SND1: variants seen among roughly 807,000 people sequenced by gnomAD.
The protein encoded by SND1 is staphylococcal nuclease and tudor domain containing 1, also known as staphylococcal nuclease domain-containing protein 1.
SND1 carries 38 observed loss-of-function variants against 121.7 expected under a neutral mutation model. That is an observed-to-expected ratio of 0.31 (90% confidence interval 0.24 to 0.41). The LOEUF is 0.41. Among genes scored for constraint, SND1 ranks in the 10% least tolerant of loss-of-function variants. The probability of loss-of-function intolerance (pLI) is 1.00; values close to 1 mark genes in which losing one functional copy is unlikely to be tolerated. For missense variants in SND1, 868 were observed against 1,184.6 expected, an observed-to-expected ratio of 0.73 and a Z score of 3.92; for synonymous variants, 401 against 447.4, an observed-to-expected ratio of 0.90 and a Z score of 1.31.
rs539419463 is a variant in SND1 at position 127,665,429 on chromosome 7, T to C, written c.78+12978T>C. Among the ~76,000 whole-genome samples, 14 of 152,220 alleles carry C rather than the reference T, an allele frequency of 9.2e-5. No individual in the cohort carries two copies. In the East Asian group the frequency reaches 1.7e-3, roughly 19 times the overall value. The stretch of plus-strand genomic sequence containing the variant: ...GTGTCAATCTCCTGACCTCGTGATC[T>C]GCCCACCTTGGCCTCCCGAAGTGCT... On this transcript the variant is annotated intron_variant, in intron 1 of 23. Coordinates refer to ENST00000354725, the MANE Select transcript of SND1 (RefSeq NM_014390.4).
intron 11 of SND1, among the ~76,000 whole-genome samples, chr7:127,825,078 A>G (rs1220308491): frequency 6.6e-6 from 1 of 152,204 alleles, no homozygotes; most frequent in Non-Finnish European, 1.5e-5. Flanking sequence ...ACTGCTTTTT[A>G]GAAATGACAG....
At chr7:128,068,120 G>C (rs1164418043) in intron 16 of SND1, among the ~76,000 whole-genome samples, 1 of 152,086 alleles carries the variant, frequency 6.6e-6, no homozygotes, top group Non-Finnish European at 1.5e-5. Flanking sequence ...TTGGCTGCAG[G>C]CTCCAGGCGA....
intron 16 of SND1, among the ~76,000 whole-genome samples, chr7:128,019,982 T>TG (rs2116961602): frequency 6.6e-6 from 1 of 152,312 alleles, no homozygotes; most frequent in Admixed American, 6.5e-5. Context: ...AGGGTCTGCA[T>TG]GACCTTGAAC....
rs752150677 is a variant in SND1, at chr7:128,029,541, C to T, written c.1779+38485C>T. The T allele has an allele frequency of 2.8e-5, 45 of 1,613,952 alleles. No individual in the cohort carries two copies. The highest frequency in any genetic ancestry group is 3.7e-5 in the Non-Finnish European group (44 of 1,180,036). On this transcript the variant is annotated intron_variant, in intron 16 of 23. Transcript: ENST00000354725. The surrounding 1 kb of genome is among the most constrained non-coding windows in gnomAD (Gnocchi z 4.2). ...CCGACACTTAAGTTCTGCCATCCGA[C>T]CCTCAGAAATGTTGAGGTCTCGAGG...
At chr7:127,941,293 G>A (rs921683621) in intron 15 of SND1, among the ~76,000 whole-genome samples, 5 of 152,018 alleles carry the variant, frequency 3.3e-5, no homozygotes, top group Admixed American at 3.3e-4. Flanking sequence ...TGCAAGATTA[G>A]CTTATAGGCT....
At chr7:127,820,923 CT>C (rs945849298) in intron 11 of SND1, among the ~76,000 whole-genome samples, 25 of 152,096 alleles carry the variant, frequency 1.6e-4, no homozygotes, top group Non-Finnish European at 3.4e-4. Context: ...TGTTTCTGTT[CT>C]TCTTCCAGCA....
intron 21 of SND1, among the ~76,000 whole-genome samples, chr7:128,089,034 T>C (rs1170411279): frequency 6.6e-6 from 1 of 152,102 alleles, no homozygotes. Flanking sequence ...ACTAGGGTTC[T>C]TTCTGGTTTG....
intron 12 of SND1, among the ~76,000 whole-genome samples, chr7:127,857,359 ATT>A (rs34235946): frequency 3.1e-3 from 355 of 113,134 alleles, no homozygotes; most frequent in Admixed American, 5.7e-3. Context: ...CCCCCGGCTA[ATT>A]TTTTTTTTTT....
intron 10 of SND1, among the ~76,000 whole-genome samples, chr7:127,785,818 A>T (rs754087364): frequency 4.0e-4 from 61 of 152,196 alleles, no homozygotes; most frequent in Admixed American, 3.3e-4. Flanking sequence ...TTTTTCTATT[A>T]CCTGATTCTT....
At chr7:127,934,614 G>A (rs1217988139) in intron 15 of SND1, among the ~76,000 whole-genome samples, 4 of 152,070 alleles carry the variant, frequency 2.6e-5, no homozygotes, top group East Asian at 1.9e-4. Flanking sequence ...TCAGGAGTGG[G>A]GGGTGGTGTT....
chr7:127,761,154 G>T (rs1420982441), intron 10 of SND1, among the ~76,000 whole-genome samples: 1 of 152,134 alleles, frequency 6.6e-6, no homozygotes, highest in Admixed American at 6.6e-5. Context: ...GCATGCTGAA[G>T]AATTTTGAGT....
chr7:128,000,875 G>A (rs1440023445), intron 16 of SND1, among the ~76,000 whole-genome samples: 1 of 152,192 alleles, frequency 6.6e-6, no homozygotes, highest in African/African-American at 2.4e-5. Flanking sequence ...GACTGTAGAT[G>A]GCATTTTTTC....
chr7:127,945,308 C>T (rs539451525), intron 15 of SND1, among the ~76,000 whole-genome samples: 94 of 152,136 alleles, frequency 6.2e-4, no homozygotes, highest in East Asian at 2.9e-3. Flanking sequence ...CTGGCTAACA[C>T]GGTGAAACCC....
At chr7:127,929,944 G>T (rs189260742) in intron 15 of SND1, among the ~76,000 whole-genome samples, 172 of 152,310 alleles carry the variant, frequency 1.1e-3, no homozygotes, top group Non-Finnish European at 1.9e-3. Context: ...TTTTCTGGTA[G>T]CTTAATATTT....
intron 16 of SND1, among the ~76,000 whole-genome samples, chr7:128,019,373 A>T (rs1429186865): frequency 1.3e-5 from 2 of 152,218 alleles, no homozygotes; most frequent in Non-Finnish European, 2.9e-5. Flanking sequence ...AGCACCTCTG[A>T]GAGAAAGGGA....
intron 10 of SND1, among the ~76,000 whole-genome samples, chr7:127,777,230 C>A (rs1797636874): frequency 2.0e-5 from 3 of 152,216 alleles, no homozygotes; most frequent in South Asian, 2.1e-4. Flanking sequence ...AAAGCAATCA[C>A]TGAACAGAGG....
intron 15 of SND1, among the ~76,000 whole-genome samples, chr7:127,966,261 T>A (rs1489068841): frequency 2.0e-5 from 3 of 151,578 alleles, no homozygotes; most frequent in Non-Finnish European, 4.4e-5. Flanking sequence ...ATGGGATACT[T>A]TAACACCCCA....
intron 11 of SND1, among the ~76,000 whole-genome samples, chr7:127,826,432 G>A (rs2116615288): frequency 6.6e-6 from 1 of 152,090 alleles, no homozygotes; most frequent in Admixed American, 6.5e-5. Context: ...CAAAATTATA[G>A]TCATCTAGAT....
intron 11 of SND1, among the ~76,000 whole-genome samples, chr7:127,826,434 C>G (rs543326218): frequency 6.6e-6 from 1 of 152,010 alleles, no homozygotes; most frequent in Non-Finnish European, 1.5e-5. Context: ...AAATTATAGT[C>G]ATCTAGATTT....
Sources: allele counts gnomAD v4.1 joint callset (sites outside exome capture counted in the v4.1 genomes callset), GRCh38; gene constraint gnomAD v4.1.1; non-coding constraint Gnocchi (gnomAD v3.1); transcripts MANE v1.5; gene names NCBI Gene and HGNC (gene_info 2026-07-23, HGNC 2026-07-21).